GCAT: variants seen among roughly 807,000 people sequenced by gnomAD.
The protein encoded by GCAT is 2-amino-3-ketobutyrate coenzyme A ligase, mitochondrial.
In GCAT, 26 loss-of-function variants were observed where a neutral mutation model predicts 39.7. That is an observed-to-expected ratio of 0.65 (90% CI 0.48 to 0.91). The LOEUF is 0.91. Among genes scored for constraint, GCAT ranks in the 40% least tolerant of loss-of-function variants. The probability of loss-of-function intolerance (pLI) is 0.00; values close to 1 mark genes in which losing one functional copy is unlikely to be tolerated. For synonymous variants in GCAT, 218 were observed against 237.2 expected (o/e 0.92, Z 0.74); for missense variants, 550 against 576.2 (o/e 0.95, Z 0.47).
In GCAT at chr22:37,807,953, G is replaced by C; in HGVS notation, c.-15G>C. ...GCTCCCAGGCAGGCAGGCGCGCTCG[G>C]GCGAGGTAGGAGCGATGTGGCCTGG... On this transcript the variant is annotated 5_prime_UTR_variant, in exon 1 of 9. Transcript: ENST00000248924. 6.7e-7 allele frequency: 1 copy of C among 1,493,802 alleles called. No homozygotes were observed. The allele number at this position is 1,493,802 out of a possible 1,614,324, so 92.5% of individuals were successfully genotyped here.
At chr22:37,814,493 C>T (rs1355891273) in intron 4 of GCAT, among the ~76,000 whole-genome samples, 1 of 152,144 alleles carries the variant, frequency 6.6e-6, no homozygotes, top group East Asian at 1.9e-4. Flanking sequence ...GAACTCCTGA[C>T]CTCAGGTGAT....
At chr22:37,808,225 C>G in intron 1 of GCAT, 62 bp downstream of exon 1, 2 of 1,329,824 alleles carry the variant, frequency 1.5e-6, no homozygotes, top group Non-Finnish European at 2.0e-6. Context: ...GAATGGAGGT[C>G]CTGGAGGTGG....
intron 2 of GCAT, among the ~76,000 whole-genome samples, chr22:37,811,826 C>T (rs1189887802): frequency 7.0e-6 from 1 of 143,062 alleles, no homozygotes; most frequent in Non-Finnish European, 1.5e-5. Context: ...CAGTGAGCCA[C>T]GACGGTGCGA....
chr22:37,808,112 G>C lies in GCAT; in HGVS notation c.145G>C (p.Val49Leu), dbSNP rs1921163063. The C allele has an allele frequency of 6.4e-7, 1 of 1,560,726 alleles. No individual in the cohort carries two copies. Among genetic ancestry groups the C allele is most frequent in the South Asian group, 1.2e-5 (1 of 84,404 alleles). Residue 49 changes from valine to leucine, a missense_variant, in exon 1 of 9, where the codon GTC (valine) becomes CTC (leucine). By Grantham distance (32) the Val-to-Leu change is conservative (BLOSUM62 1). Coordinates refer to ENST00000248924, the MANE Select transcript of GCAT (RefSeq NM_014291.4). ...RGAGTWKSERVITSRQGPHIR... is the reference protein window; with the variant it reads ...RGAGTWKSERLITSRQGPHIR... ...AGCTGGCACTTGGAAGAGTGAGCGG[G>C]TCATCACGTCCCGTCAGGGGCCGCA...
intron 3 of GCAT, 168 bp downstream of exon 3, chr22:37,813,156 T>C: frequency 1.6e-6 from 1 of 641,382 alleles, no homozygotes; most frequent in South Asian, 1.8e-5. Flanking sequence ...CCAGGAGGAA[T>C]CCTGGGGCTT....
At chr22:37,814,691 T>G (rs1262418932) in intron 4 of GCAT, among the ~76,000 whole-genome samples, 1 of 151,424 alleles carries the variant, frequency 6.6e-6, no homozygotes, top group Non-Finnish European at 1.5e-5. Flanking sequence ...AGAGACAGGG[T>G]CTCACTATGT....
chr22:37,808,066 G>A lies in GCAT; in HGVS notation c.99G>A (p.Gly33=), dbSNP rs1250028134. ...ALAQLRGILE[G]ELEGIRGAGT... ...CCCAGCTGCGTGGCATTCTGGAGGG[G>A]GAGCTGGAAGGCATCCGCGGAGCTG... is the stretch of plus-strand genomic sequence containing the variant. Residue 33 remains glycine, a synonymous_variant, in exon 1 of 9, where the codon GGG becomes GGA. Coordinates refer to ENST00000248924, the MANE Select transcript of GCAT (RefSeq NM_014291.4). 6.4e-6 allele frequency: 10 copies of A among 1,565,960 alleles called. No homozygotes were observed. The highest frequency in any genetic ancestry group is 2.4e-5 in the East Asian group (1 of 40,960).
rs752258270 is a variant in GCAT at position 37,815,250 on chromosome 22, A to G, written c.701A>G (p.His234Arg). 1 of 1,613,948 alleles carries G rather than the reference A, an allele frequency of 6.2e-7. No homozygotes were observed. Among genetic ancestry groups the G allele is most frequent in the South Asian group, 1.1e-5 (1 of 91,032 alleles). The change falls in exon 5 of 9, where the codon CAT (histidine) becomes CGT (arginine). Residue 234 changes from histidine (H) to arginine (R), a missense_variant. Coordinates refer to ENST00000248924, the MANE Select transcript of GCAT (RefSeq NM_014291.4). ...YGALVFMDECHATGFLGPTGR... is the reference protein window; with the variant it reads ...YGALVFMDECRATGFLGPTGR... Reference sequence around the variant, plus strand: ...GCCCTGGTCTTCATGGATGAATGCCATGCCACTGGCTTCCTGGGGCCCACA... The same window carrying G: ...GCCCTGGTCTTCATGGATGAATGCCGTGCCACTGGCTTCCTGGGGCCCACA...
intron 1 of GCAT, 139 bp from the exon 2 acceptor site, chr22:37,809,888 G>A (rs2145914869): frequency 3.6e-6 from 4 of 1,101,322 alleles, no homozygotes; most frequent in East Asian, 5.1e-5. Flanking sequence ...TGTAGCTGTT[G>A]AATTTGGTGC....
intron 1 of GCAT, chr22:37,809,805 G>A: frequency 1.6e-6 from 1 of 622,956 alleles, no homozygotes. Context: ...GGGCGACAGA[G>A]CTAGACCCTG....
intron 1 of GCAT, among the ~76,000 whole-genome samples, chr22:37,808,595 G>A (rs1921230659): frequency 6.6e-6 from 1 of 152,244 alleles, no homozygotes; most frequent in African/African-American, 2.4e-5. Context: ...ACAGCTTGCT[G>A]GGTAAACTCA....
chr22:37,808,037 C>G lies in GCAT; in HGVS notation c.70C>G (p.Leu24Val). ...CCGCGGCCGCCGCGCACAGTCAGCG[C>G]TGGCCCAGCTGCGTGGCATTCTGGA... ...VPRGRRAQSA[L>V]AQLRGILEGE... Residue 24 changes from leucine to valine, a missense_variant, in exon 1 of 9, where the codon CTG (leucine) becomes GTG (valine). Physicochemically the swap from Leu to Val is conservative, Grantham distance 32 (BLOSUM62 1). Transcript: ENST00000248924. The G allele has an allele frequency of 6.4e-7, 1 of 1,553,358 alleles. No homozygotes were observed. Among genetic ancestry groups the G allele is most frequent in the Non-Finnish European group, 8.7e-7 (1 of 1,150,426 alleles).
chr22:37,809,670 A>G (rs1194326084), intron 1 of GCAT, among the ~76,000 whole-genome samples: 1 of 152,046 alleles, frequency 6.6e-6, no homozygotes, highest in Non-Finnish European at 1.5e-5. Flanking sequence ...AAATAAAAAA[A>G]TTTAATCGGG....
chr22:37,813,193 TG>T, intron 3 of GCAT: 4 of 643,370 alleles, frequency 6.2e-6, no homozygotes, highest in Middle Eastern at 3.4e-4. Flanking sequence ...CCAGAGCCTT[TG>T]GGGGATAAGC....
At chr22:37,809,802 A>C in intron 1 of GCAT, 1 of 611,650 alleles carries the variant, frequency 1.6e-6, no homozygotes, top group Non-Finnish European at 2.9e-6. Context: ...CCTGGGCGAC[A>C]GAGCTAGACC....
intron 3 of GCAT, 104 bp downstream of exon 3, chr22:37,813,092 C>A: frequency 1.2e-6 from 1 of 832,112 alleles, no homozygotes; most frequent in Non-Finnish European, 2.0e-6. Flanking sequence ...CAGTGCCATG[C>A]CTAGAGGCTC....
At chr22:37,815,358 T>G in intron 5 of GCAT, 60 bp from the exon 6 acceptor site, 2 of 1,596,588 alleles carry the variant, frequency 1.3e-6, no homozygotes, top group Non-Finnish European at 1.7e-6. Context: ...GTCCCCAGCA[T>G]GATCCATAAT....
At chr22:37,809,018 C>T (rs1921283006) in intron 1 of GCAT, among the ~76,000 whole-genome samples, 1 of 152,214 alleles carries the variant, frequency 6.6e-6, no homozygotes, top group Non-Finnish European at 1.5e-5. Flanking sequence ...AGTGGTTACA[C>T]CTGACTTATT....
rs1182876439 is a variant in GCAT at position 37,815,826 on chromosome 22, G to A, written c.978G>A (p.Lys326=). Residue 326 remains lysine (K), a synonymous_variant, in exon 7 of 9, where the codon AAG becomes AAA. Transcript: ENST00000248924. ...SNTIVQSMAA[K]TQRFRSKMEA... ...CCATTGTCCAGTCTATGGCTGCCAA[G>A]ACCCAGAGGTGCGACTCCCAGCAGG... 2 of 1,613,794 alleles carry A rather than the reference G, an allele frequency of 1.2e-6. No individual in the cohort carries two copies. The highest frequency in any genetic ancestry group is 1.1e-5 in the South Asian group (1 of 91,074).
Sources: gnomAD v4.1 joint callset for allele counts (sites outside exome capture counted in the v4.1 genomes callset) on GRCh38, gnomAD v4.1.1 for gene constraint, MANE v1.5 for transcripts, NCBI Gene and HGNC (gene_info 2026-07-23, HGNC 2026-07-21) for gene names.